The following ACBD7 variants were observed in gnomAD, a reference collection of about 807,000 sequenced individuals.
The protein encoded by ACBD7 is acyl-CoA binding domain containing 7.
Under a neutral mutation model 13.7 loss-of-function variants are expected in ACBD7, and 11 were observed. The observed-to-expected ratio is 0.80, with a 90% CI of 0.50 to 1.33. The LOEUF (loss-of-function observed/expected upper bound fraction) is 1.33. Ranked by LOEUF, ACBD7 falls within the 40% of genes most tolerant of loss-of-function variation. ACBD7 has a pLI of 0.00. For synonymous variants in ACBD7, 43 were observed against 37.7 expected (o/e 1.14, Z -0.51); for missense variants, 111 against 103.0 (o/e 1.08, Z -0.33).
At position 15,078,735 on chromosome 10, in the gene ACBD7, T is replaced by G. The variant is rs1257398100; in HGVS notation, c.149A>C (p.Asp50Ala). ...DINIACPGML[D>A]LKGKAKWEAW... ...TTCCCATTTGGCTTTGCCTTTTAAA[T>G]CTAGCATTCCTGGACACGCTGGCAA... is the stretch of plus-strand genomic sequence containing the variant. The change falls in exon 3 of 4, where the codon GAT (aspartate) becomes GCT (alanine). Residue 50 changes from aspartate to alanine, a missense_variant. Asp to Ala is a moderately radical substitution (Grantham distance 126, BLOSUM62 -2). Transcript: ENST00000356189. The G allele has an allele frequency of 6.2e-7, 1 of 1,614,030 alleles. No homozygotes were observed.
Position 15,078,317 on chromosome 10 carries a change from A to C in ACBD7, c.*213T>G. ...GTATTCCATGGTGTATATGTGCCAC[A>C]TTTTCTTAAAAAGAACTTTTAAAGA... On this transcript the variant is annotated 3_prime_UTR_variant, in exon 4 of 4. Coordinates refer to ENST00000356189, the MANE Select transcript of ACBD7 (RefSeq NM_001039844.3). 7.1e-7 allele frequency: 1 copy of C among 1,400,432 alleles called. No homozygotes were observed. The allele number at this position is 1,400,432 out of a possible 1,614,324, so 86.8% of individuals were successfully genotyped here.
chr10:15,079,264 ACTT>A (rs1423004701), intron 1 of ACBD7, among the ~76,000 whole-genome samples: 4 of 132,222 alleles, frequency 3.0e-5, no homozygotes, highest in African/African-American at 1.2e-4. Flanking sequence ...GTTCGGTTTA[ACTT>A]CTTTTTTTTT....
chr10:15,085,513 T>G (rs537613214), intron 1 of ACBD7, among the ~76,000 whole-genome samples: 2 of 152,230 alleles, frequency 1.3e-5, no homozygotes, highest in African/African-American at 4.8e-5. Flanking sequence ...ATTAAGAAGA[T>G]AAAAAATTCT....
chr10:15,088,514 A>G (rs1285017773), intron 1 of ACBD7: 18 of 694,804 alleles, frequency 2.6e-5, no homozygotes, highest in Non-Finnish European at 3.7e-5. Context: ...TGGGGTCCGG[A>G]AGGGTTGCCC....
At chr10:15,088,561 G>C in intron 1 of ACBD7, 156 bp downstream of exon 1, 16 of 1,034,622 alleles carry the variant, frequency 1.5e-5, no homozygotes, top group South Asian at 1.5e-4. Flanking sequence ...GCACAGGTGC[G>C]GTCTACACTG....
intron 1 of ACBD7, among the ~76,000 whole-genome samples, chr10:15,087,155 G>A (rs1844819285): frequency 6.6e-6 from 1 of 152,176 alleles, no homozygotes; most frequent in Admixed American, 6.5e-5. Context: ...ACTCCAGCCT[G>A]GGTGACAGAG....
At chr10:15,082,714 C>A (rs564927140) in intron 1 of ACBD7, among the ~76,000 whole-genome samples, 1 of 152,026 alleles carries the variant, frequency 6.6e-6, no homozygotes, top group East Asian at 1.9e-4. Flanking sequence ...AGGTGCCAAG[C>A]CTTAATTAGA....
In ACBD7 at chr10:15,078,512, T is replaced by C. The variant is rs1222312990; in HGVS notation, c.*18A>G. 1 of 1,613,854 alleles carries C rather than the reference T, an allele frequency of 6.2e-7. No individual in the cohort carries two copies. Among genetic ancestry groups the C allele is most frequent in the South Asian group, 1.1e-5 (1 of 91,064 alleles). On this transcript the variant is annotated 3_prime_UTR_variant, in exon 4 of 4. Coordinates refer to ENST00000356189, the MANE Select transcript of ACBD7 (RefSeq NM_001039844.3). The stretch of plus-strand genomic sequence containing the variant: ...ATTTGGAAGTCTTCAAAAGGAAAAA[T>C]TCCTCATATGCTGTATTCTAAATTC...
chr10:15,078,486 C>T lies in ACBD7; in HGVS notation c.*44G>A, dbSNP rs753530901. ...CCCTCTAAATGTTAGGTCATGATAG[C>T]ATTTGGAAGTCTTCAAAAGGAAAAA... is the stretch of plus-strand genomic sequence containing the variant. On this transcript the variant is annotated 3_prime_UTR_variant, in exon 4 of 4. Transcript: ENST00000356189. 6.2e-7 allele frequency: 1 copy of T among 1,612,680 alleles called. No homozygotes were observed. The highest frequency in any genetic ancestry group is 8.5e-7 in the Non-Finnish European group (1 of 1,179,804).
chr10:15,076,507 T>TTC lies in ACBD7; in HGVS notation c.*2022_*2023insGA, dbSNP rs1386131752. The TTC allele has an allele frequency of 1.2e-6, 1 of 861,498 alleles. No individual in the cohort carries two copies. Among genetic ancestry groups the TTC allele is most frequent in the African/African-American group, 1.8e-5 (1 of 54,310 alleles). The allele number at this position is 861,498 out of a possible 1,614,324, so 53.4% of individuals were successfully genotyped here. A position where few individuals can be genotyped will look rare whatever the true frequency, so the allele number is the denominator to read the frequency against. On this transcript the variant is annotated 3_prime_UTR_variant, in exon 4 of 4. Transcript: ENST00000356189. ...ACTGCTATGGACAGACTTGTAATTTTTTTTTTTTTTTTTGAGACGGAGTCT... is the reference window on the plus strand; with the variant it reads ...ACTGCTATGGACAGACTTGTAATTTTTCTTTTTTTTTTTTTGAGACGGAGTCT...
rs1844704268 is a variant in ACBD7 at position 15,078,037 on chromosome 10, T to G, written c.*493A>C. On this transcript the variant is annotated 3_prime_UTR_variant, in exon 4 of 4. Transcript: ENST00000356189. ...GTATACATGTGCCATGGTGGTTTGCTGTACCCATCAACCGGTCACCTACAT... is the reference window on the plus strand; with the variant it reads ...GTATACATGTGCCATGGTGGTTTGCGGTACCCATCAACCGGTCACCTACAT... 6.3e-6 allele frequency: 1 copy of G among 158,864 alleles called. No homozygotes were observed. 9.8% of individuals were successfully genotyped at this position (158,864 alleles called of 1,614,324 possible).
In ACBD7 at chr10:15,076,908, A is replaced by G. The variant is rs1844688438; in HGVS notation, c.*1622T>C. 2.0e-6 allele frequency: 2 copies of G among 985,330 alleles called. No homozygotes were observed. Among genetic ancestry groups the G allele is most frequent in the African/African-American group, 3.5e-5 (2 of 57,242 alleles). The allele number at this position is 985,330 out of a possible 1,614,324, so 61.0% of individuals were successfully genotyped here. A position where few individuals can be genotyped will look rare whatever the true frequency, so the allele number is the denominator to read the frequency against. ...CAAACAGCTGTTCAAATCTGTACAC[A>G]TATTACCAGGGCTAGACTTTCTAAA... On this transcript the variant is annotated 3_prime_UTR_variant, in exon 4 of 4. Transcript: ENST00000356189.
intron 1 of ACBD7, among the ~76,000 whole-genome samples, chr10:15,079,244 T>C (rs991981352): frequency 6.6e-6 from 1 of 150,430 alleles, no homozygotes; most frequent in Non-Finnish European, 1.5e-5. Context: ...AAATTCTTAA[T>C]ACAGAAAATG....
chr10:15,075,875 G>A lies in ACBD7; in HGVS notation c.*2655C>T, dbSNP rs1255436694. Among the ~76,000 whole-genome samples, 2 of 151,474 alleles carry A rather than the reference G, an allele frequency of 1.3e-5. No homozygotes were observed. The highest frequency in any genetic ancestry group is 1.3e-4 in the Admixed American group (2 of 15,152). The stretch of plus-strand genomic sequence containing the variant: ...TGTAGTCCCAGCTACTCTGGAGGCT[G>A]AGATGGGAGGATTGCTTGACCCTGG... On this transcript the variant is annotated 3_prime_UTR_variant, in exon 4 of 4. Transcript: ENST00000356189.
chr10:15,076,588 C>A lies in ACBD7; in HGVS notation c.*1942G>T. 1.4e-6 allele frequency: 1 copy of A among 694,674 alleles called. No homozygotes were observed. The highest frequency in any genetic ancestry group is 1.8e-6 in the Non-Finnish European group (1 of 565,436). 43.0% of individuals were successfully genotyped at this position (694,674 alleles called of 1,614,324 possible). A position where few individuals can be genotyped will look rare whatever the true frequency, so the allele number is the denominator to read the frequency against. Reference sequence around the variant, plus strand: ...TGTGATCTTGGCTCACTGCAACCTCCATCTCCTGGGTAAAAGCAATTCTCC... The same window carrying A: ...TGTGATCTTGGCTCACTGCAACCTCAATCTCCTGGGTAAAAGCAATTCTCC... On this transcript the variant is annotated 3_prime_UTR_variant, in exon 4 of 4. Coordinates refer to ENST00000356189, the MANE Select transcript of ACBD7 (RefSeq NM_001039844.3).
Position 15,079,016 on chromosome 10 carries a change from C to T in ACBD7, c.37G>A (p.Asp13Asn), listed in dbSNP as rs937818670. 1.9e-6 allele frequency: 3 copies of T among 1,609,490 alleles called. No individual in the cohort carries two copies. Among genetic ancestry groups the T allele is most frequent in the Non-Finnish European group, 2.5e-6 (3 of 1,177,760 alleles). The change falls in exon 2 of 4, where the codon GAT (aspartate) becomes AAT (asparagine). Residue 13 changes from aspartate to asparagine, a missense_variant. Physicochemically the swap from Asp to Asn is conservative, Grantham distance 23. Coordinates refer to ENST00000356189, the MANE Select transcript of ACBD7 (RefSeq NM_001039844.3). ...GGTCTTGCTTTCAGCTTCCTCACAT[C>T]TTCTGCAGCCCTGTCAAAATCAGCC... ...LQADFDRAAEDVRKLKARPDD... is the reference protein window; with the variant it reads ...LQADFDRAAENVRKLKARPDD...
At chr10:15,087,125 A>T (rs916032631) in intron 1 of ACBD7, among the ~76,000 whole-genome samples, 25 of 152,076 alleles carry the variant, frequency 1.6e-4, no homozygotes, top group Admixed American at 2.0e-4. Flanking sequence ...GGCTGCAGTG[A>T]GCTGAGATCA....
chr10:15,080,101 C>A (rs75436928), intron 1 of ACBD7, among the ~76,000 whole-genome samples: 3,286 of 152,186 alleles, frequency 0.022, 138 homozygotes, highest in African/African-American at 0.075. Flanking sequence ...AGGGTAATCA[C>A]TATTCCTGAT....
At chr10:15,079,883 C>CTT (rs34762205) in intron 1 of ACBD7, among the ~76,000 whole-genome samples, 25,553 of 138,202 alleles carry the variant, frequency 0.18, 2,788 homozygotes, top group African/African-American at 0.3. Context: ...AGCTGCTTTT[C>CTT]TTTTTTTTTT....
Sources: gnomAD v4.1 joint callset for allele counts (sites outside exome capture counted in the v4.1 genomes callset) on GRCh38, gnomAD v4.1.1 for gene constraint, MANE v1.5 for transcripts, NCBI Gene and HGNC (gene_info 2026-07-23, HGNC 2026-07-21) for gene names.